ACSS3: variants seen among roughly 807,000 people sequenced by gnomAD.
ACSS3 encodes acyl-CoA synthetase short-chain family member 3, mitochondrial.
In ACSS3, 64 loss-of-function variants were observed where a neutral mutation model predicts 84.2. That is an observed-to-expected ratio of 0.76 (90% CI 0.62 to 0.94). The LOEUF (loss-of-function observed/expected upper bound fraction) is 0.94, where lower values mean the gene tolerates loss of function less well. ACSS3 is among the 40% of genes least tolerant of loss of function. The probability of loss-of-function intolerance (pLI) is 0.00; values close to 1 mark genes in which losing one functional copy is unlikely to be tolerated. For synonymous variants in ACSS3, 317 were observed against 310.1 expected (o/e 1.02, Z -0.23); for missense variants, 815 against 867.6 (o/e 0.94, Z 0.76).
intron 13 of ACSS3, among the ~76,000 whole-genome samples, chr12:81,245,764 AATCTAAGAAGAATTGTTTCTGT>A (rs2033963837): frequency 6.6e-6 from 1 of 152,122 alleles, no homozygotes; most frequent in African/African-American, 2.4e-5. Flanking sequence ...CTCTCTGACA[AATCTAAGAAGAATTGTTTCTGT>A]TATTGTTTTT....
At chr12:81,254,713 G>C in intron 15 of ACSS3, 144 bp from the exon 16 acceptor site, 2 of 566,854 alleles carry the variant, frequency 3.5e-6, no homozygotes, top group East Asian at 3.1e-5. Context: ...TAATATATTA[G>C]GTTCAAAGTT....
At position 81,078,382 on chromosome 12, in the gene ACSS3, A is replaced by G. The variant is rs746050655; in HGVS notation, c.262A>G (p.Lys88Glu). The change falls in exon 1 of 16, where the codon AAG becomes GAG. Residue 88 changes from lysine to glutamate, a missense_variant. Transcript: ENST00000548058. ...AGCTGCCGAGCAGATCAGCTGGTAC[A>G]AGCCCTGGACCAAAACGCTGGAGAA... ...GKAAEQISWY[K>E]PWTKTLENKH... 9.3e-6 allele frequency: 15 copies of G among 1,612,444 alleles called. No individual in the cohort carries two copies. The highest frequency in any genetic ancestry group is 1.6e-4 in the Middle Eastern group (1 of 6,084).
chr12:81,227,827 C>A (rs945567413), intron 11 of ACSS3, among the ~76,000 whole-genome samples: 5 of 151,764 alleles, frequency 3.3e-5, no homozygotes, highest in Non-Finnish European at 1.5e-5. Context: ...CCATCACCTG[C>A]TTTTATCCTT....
At position 81,199,378 on chromosome 12, in the gene ACSS3, G is replaced by A; in HGVS notation, c.1288G>A (p.Val430Ile). 6.2e-7 allele frequency: 1 copy of A among 1,613,694 alleles called. No homozygotes were observed. The highest frequency in any genetic ancestry group is 1.1e-5 in the South Asian group (1 of 91,078). The change falls in exon 9 of 16, where the codon GTA becomes ATA. Residue 430 changes from valine (V) to isoleucine (I), a missense_variant. Physicochemically the swap from Val to Ile is conservative, Grantham distance 29. Coordinates refer to ENST00000548058, the MANE Select transcript of ACSS3 (RefSeq NM_024560.4). ...ATTTGTGGCTGGAGAACGATGTGAT[G>A]TAGAGACCCTGGAATGGTCCAAAAA... ...TLFVAGERCD[V>I]ETLEWSKNVF...
chr12:81,143,616 A>C (rs577491812), intron 5 of ACSS3: 1 of 152,106 alleles, frequency 6.6e-6, no homozygotes, highest in East Asian at 1.9e-4. Flanking sequence ...ATATATTTTA[A>C]ATAAAATATT....
At chr12:81,228,769 G>T (rs1397753597) in intron 11 of ACSS3, among the ~76,000 whole-genome samples, 1 of 151,794 alleles carries the variant, frequency 6.6e-6, no homozygotes, top group Non-Finnish European at 1.5e-5. Context: ...GTTGTAAAGA[G>T]CACTAAATAC....
intron 8 of ACSS3, among the ~76,000 whole-genome samples, chr12:81,189,910 A>C (rs1673311864): frequency 1.3e-5 from 2 of 152,042 alleles, no homozygotes; most frequent in Non-Finnish European, 2.9e-5. Context: ...CCATTTGATC[A>C]ATTTCGATTT....
At chr12:81,171,426 T>C (rs2030035392) in intron 7 of ACSS3, among the ~76,000 whole-genome samples, 1 of 152,142 alleles carries the variant, frequency 6.6e-6, no homozygotes, top group Non-Finnish European at 1.5e-5. Flanking sequence ...AAAACTAAAG[T>C]ATATAAATAT....
intron 1 of ACSS3, among the ~76,000 whole-genome samples, chr12:81,101,372 A>G (rs2121423734): frequency 6.6e-6 from 1 of 152,254 alleles, no homozygotes; most frequent in Non-Finnish European, 1.5e-5. Flanking sequence ...AAATAACTCA[A>G]ATAACACAGA....
At chr12:81,202,212 G>A (rs1385157872) in intron 9 of ACSS3, among the ~76,000 whole-genome samples, 1 of 152,010 alleles carries the variant, frequency 6.6e-6, no homozygotes, top group Non-Finnish European at 1.5e-5. Context: ...CTGGGAAGTG[G>A]AGCTTGCAGT....
rs1483586441 is a variant in ACSS3 at position 81,174,817 on chromosome 12, C to T, written c.1128C>T (p.Gly376=). The T allele has an allele frequency of 1.5e-5, 24 of 1,613,430 alleles. No homozygotes were observed. Among genetic ancestry groups the T allele is most frequent in the East Asian group, 2.2e-5 (1 of 44,874 alleles). The part of the protein sequence containing the change: ...EGKPVGTPDA[G]AYFRVLAEHG... ...AGCCTGTGGGAACACCAGATGCTGG[C>T]GCTTATTTCCGTGTGCTTGCAGAGC... Residue 376 remains glycine, a synonymous_variant, in exon 8 of 16, where the codon GGC becomes GGT. Transcript: ENST00000548058.
chr12:81,249,632 A>G (rs746821243), intron 13 of ACSS3, among the ~76,000 whole-genome samples: 16 of 152,104 alleles, frequency 1.1e-4, no homozygotes, highest in Non-Finnish European at 1.6e-4. Context: ...TCTACCAAGC[A>G]TTAAATGACT....
chr12:81,160,976 A>G (rs142393689), intron 7 of ACSS3, among the ~76,000 whole-genome samples: 1 of 152,360 alleles, frequency 6.6e-6, no homozygotes, highest in African/African-American at 2.4e-5. Context: ...TATTTAGAAT[A>G]ATTCCCACGA....
At chr12:81,230,770 T>A (rs2033431242) in intron 11 of ACSS3, among the ~76,000 whole-genome samples, 1 of 151,902 alleles carries the variant, frequency 6.6e-6, no homozygotes, top group African/African-American at 2.4e-5. Context: ...GCAGATATTA[T>A]GTTTTTCACT....
chr12:81,250,757 G>A (rs754558980), intron 13 of ACSS3, among the ~76,000 whole-genome samples: 20 of 152,166 alleles, frequency 1.3e-4, no homozygotes, highest in Non-Finnish European at 2.2e-4. Context: ...AATTTTTGAC[G>A]ATTAAAACTC....
intron 8 of ACSS3, among the ~76,000 whole-genome samples, chr12:81,187,095 G>A (rs1785763416): frequency 6.6e-6 from 1 of 151,628 alleles, no homozygotes; most frequent in Non-Finnish European, 1.5e-5. Context: ...TGTTAAATAG[G>A]TCAGACACAG....
intron 2 of ACSS3, among the ~76,000 whole-genome samples, chr12:81,124,874 T>C (rs1884943111): frequency 1.3e-5 from 2 of 152,232 alleles, no homozygotes; most frequent in Non-Finnish European, 2.9e-5. Context: ...TCTTGTTCTG[T>C]TAATCTATCT....
chr12:81,125,056 T>C (rs1389976517), intron 2 of ACSS3, among the ~76,000 whole-genome samples: 2 of 152,012 alleles, frequency 1.3e-5, no homozygotes, highest in African/African-American at 4.8e-5. Context: ...CTACTAAAAA[T>C]ACAAAAAATT....
chr12:81,117,558 T>A (rs183928763), intron 2 of ACSS3, among the ~76,000 whole-genome samples: 1 of 152,174 alleles, frequency 6.6e-6, no homozygotes, highest in East Asian at 1.9e-4. Context: ...GGAAAAGCCA[T>A]GAGGACTCAG....
Sources: gnomAD v4.1 joint callset for allele counts (sites outside exome capture counted in the v4.1 genomes callset) on GRCh38, gnomAD v4.1.1 for gene constraint, MANE v1.5 for transcripts, NCBI Gene and HGNC (gene_info 2026-07-23, HGNC 2026-07-21) for gene names.